The following DZIP3 variants were observed in gnomAD, a reference collection of about 807,000 sequenced individuals.
DZIP3 encodes DAZ interacting zinc finger protein 3.
A neutral mutation model predicts 162.0 loss-of-function variants in DZIP3; 118 were observed. That is an observed-to-expected ratio of 0.73 (90% confidence interval 0.63 to 0.85). The LOEUF is 0.85. DZIP3 is among the 40% of genes least tolerant of loss of function. DZIP3 has a pLI of 0.00. For missense variants in DZIP3, 1,331 were observed against 1,407.0 expected (o/e 0.95, Z 0.86); for synonymous variants, 438 against 458.6 (o/e 0.96, Z 0.57).
chr3:108,631,679 C>T (rs1332302909), intron 8 of DZIP3, among the ~76,000 whole-genome samples: 1 of 147,272 alleles, frequency 6.8e-6, no homozygotes, highest in African/African-American at 2.5e-5. Context: ...CCACCTTGGC[C>T]TCCAATTTTT....
At chr3:108,631,050 C>CACACACACACACACACACACAT (rs1553705333) in intron 8 of DZIP3, among the ~76,000 whole-genome samples, 4 of 111,956 alleles carry the variant, frequency 3.6e-5, no homozygotes, top group African/African-American at 1.0e-4. Flanking sequence ...CACACACACA[C>CACACACACACACACACACACAT]ACACACTCTC....
At chr3:108,692,665 G>GGT in intron 32 of DZIP3, among the ~76,000 whole-genome samples, 3 of 152,092 alleles carry the variant, frequency 2.0e-5, no homozygotes. Context: ...ATCACCTGGA[G>GGT]GACTTTTAAG....
At chr3:108,605,198 TTGGG>T in intron 1 of DZIP3, 133 bp from the exon 2 acceptor site, 1 of 615,514 alleles carries the variant, frequency 1.6e-6, no homozygotes, top group South Asian at 2.0e-5. Context: ...GTGATTATGT[TTGGG>T]TGGCGAAACT....
At chr3:108,613,647 C>T (rs913373996) in intron 4 of DZIP3, among the ~76,000 whole-genome samples, 10 of 152,164 alleles carry the variant, frequency 6.6e-5, no homozygotes, top group African/African-American at 2.4e-4. Context: ...CTAATTGAGA[C>T]ACACATGTAT....
chr3:108,605,580 G>A, intron 2 of DZIP3, 142 bp downstream of exon 2: 1 of 778,840 alleles, frequency 1.3e-6, no homozygotes, highest in Non-Finnish European at 2.1e-6. Flanking sequence ...ATTCTCACAA[G>A]GAGTGGGCAA....
chr3:108,689,106 G>T (rs1198039995), intron 31 of DZIP3, among the ~76,000 whole-genome samples, 182 bp downstream of exon 31: 5 of 152,106 alleles, frequency 3.3e-5, no homozygotes, highest in Non-Finnish European at 7.4e-5. Flanking sequence ...ATTGCATTGT[G>T]CTCTCTCAGA....
At chr3:108,636,801 T>C in intron 11 of DZIP3, 93 bp downstream of exon 11, 2 of 876,524 alleles carry the variant, frequency 2.3e-6, no homozygotes, top group Non-Finnish European at 3.6e-6. Context: ...ATCATCATAA[T>C]TAGATTCCAG....
At chr3:108,624,590 A>G (rs1941510438) in intron 6 of DZIP3, 66 bp downstream of exon 6, 1 of 825,194 alleles carries the variant, frequency 1.2e-6, no homozygotes, top group Admixed American at 2.9e-5. Flanking sequence ...GCCAAAGATT[A>G]TAATATGAAA....
chr3:108,609,493 A>C (rs1037489188), intron 3 of DZIP3, among the ~76,000 whole-genome samples: 10 of 152,164 alleles, frequency 6.6e-5, no homozygotes, highest in African/African-American at 2.4e-4. Flanking sequence ...TATTTAATCA[A>C]TTTTGCCAAA....
chr3:108,685,365 A>T (rs1436397761), intron 27 of DZIP3, among the ~76,000 whole-genome samples: 3 of 152,152 alleles, frequency 2.0e-5, no homozygotes, highest in African/African-American at 4.8e-5. Flanking sequence ...TCTGGGAAAT[A>T]TTCTGCTTCC....
intron 5 of DZIP3, among the ~76,000 whole-genome samples, chr3:108,624,190 T>A (rs745851227): frequency 6.6e-6 from 1 of 152,224 alleles, no homozygotes; most frequent in Non-Finnish European, 1.5e-5. Context: ...TTTGGCCATC[T>A]TTCTTCCATA....
chr3:108,605,074 A>C (rs1318875842), intron 1 of DZIP3, among the ~76,000 whole-genome samples: 1 of 152,206 alleles, frequency 6.6e-6, no homozygotes, highest in Non-Finnish European at 1.5e-5. Context: ...GATTCTTTTG[A>C]TATAACATTC....
At chr3:108,664,888 C>T (rs1210174030) in intron 21 of DZIP3, among the ~76,000 whole-genome samples, 1 of 152,154 alleles carries the variant, frequency 6.6e-6, no homozygotes, top group African/African-American at 2.4e-5. Flanking sequence ...GTACATCTCT[C>T]GTCTGCACTG....
chr3:108,687,980 G>A lies in DZIP3; in HGVS notation c.3154G>A (p.Glu1052Lys). 1 of 1,613,424 alleles carries A rather than the reference G, an allele frequency of 6.2e-7. No homozygotes were observed. Among genetic ancestry groups the A allele is most frequent in the Non-Finnish European group, 8.5e-7 (1 of 1,179,728 alleles). ...CCTTTCCTTGATCTCTTGCAGAAAGGAACTTACAGATTTCTTACGGAAATT... is the reference window on the plus strand; with the variant it reads ...CCTTTCCTTGATCTCTTGCAGAAAGAAACTTACAGATTTCTTACGGAAATT... Reference protein sequence around the residue: ...KTAFPQQTRKELTDFLRKLKD... With the variant: ...KTAFPQQTRKKLTDFLRKLKD... The change falls in exon 29 of 33, where the codon GAA becomes AAA. Residue 1052 changes from glutamate to lysine, a missense_variant. By Grantham distance (56) the Glu-to-Lys change is moderately conservative (BLOSUM62 1). This residue lies in a region of DZIP3 where 1,278 missense variants were observed against 1,317.1 expected (regional missense o/e 0.97). Coordinates refer to ENST00000361582, the MANE Select transcript of DZIP3 (RefSeq NM_014648.4).
Position 108,607,482 on chromosome 3 carries a change from T to C in DZIP3, c.33-607T>C, listed in dbSNP as rs144654171. 2.6e-5 allele frequency among the ~76,000 whole-genome samples: 4 copies of C among 152,288 alleles called. No individual in the cohort carries two copies. In the East Asian group the frequency reaches 7.7e-4, roughly 29 times the overall value. On this transcript the variant is annotated intron_variant, in intron 2 of 32. Coordinates refer to ENST00000361582, the MANE Select transcript of DZIP3 (RefSeq NM_014648.4). ...CTTTATTATGGTTCCTATACAATGG[T>C]TCTGTATGCAGGCAAAAGCAACATT...
chr3:108,592,760 T>C (rs1238150798), intron 1 of DZIP3, among the ~76,000 whole-genome samples: 1 of 152,112 alleles, frequency 6.6e-6, no homozygotes, highest in Non-Finnish European at 1.5e-5. Flanking sequence ...AGTGAGATTT[T>C]ATATAGTTTG....
At chr3:108,597,811 C>T (rs1939787658) in intron 1 of DZIP3, among the ~76,000 whole-genome samples, 1 of 152,024 alleles carries the variant, frequency 6.6e-6, no homozygotes. Context: ...ATAATTATGC[C>T]TGCATATAAT....
chr3:108,666,145 A>G (rs1361465017), intron 21 of DZIP3, among the ~76,000 whole-genome samples: 1 of 152,164 alleles, frequency 6.6e-6, no homozygotes, highest in Non-Finnish European at 1.5e-5. Context: ...AATTCAATGT[A>G]TGTAGAAGAA....
intron 9 of DZIP3, among the ~76,000 whole-genome samples, chr3:108,633,723 C>A (rs1289804581): frequency 8.1e-6 from 1 of 123,118 alleles, no homozygotes; most frequent in Non-Finnish European, 1.7e-5. Flanking sequence ...TGATAGATCT[C>A]TCTCTCTCTG....
Sources: gnomAD v4.1 joint callset for allele counts (sites outside exome capture counted in the v4.1 genomes callset) on GRCh38, gnomAD v4.1.1 for gene constraint, gnomAD v4.1.1 regional missense constraint, MANE v1.5 for transcripts, NCBI Gene and HGNC (gene_info 2026-07-23, HGNC 2026-07-21) for gene names.